The following SLC25A17 variants were observed in gnomAD, a reference collection of about 807,000 sequenced individuals.
SLC25A17 encodes the protein peroxisomal membrane protein PMP34.
SLC25A17 carries 26 observed loss-of-function variants against 38.5 expected under a neutral mutation model. The ratio of observed to expected loss-of-function variants is 0.68; its 90% CI spans 0.50 to 0.94. The LOEUF is 0.94. Ranked by LOEUF, SLC25A17 falls within the 40% of genes least tolerant of loss-of-function variation. The pLI is 0.00. For missense variants in SLC25A17, 333 were observed against 372.7 expected, an observed-to-expected ratio of 0.89 and a Z score of 0.88; for synonymous variants, 139 against 136.2, an observed-to-expected ratio of 1.02 and a Z score of -0.14.
In SLC25A17 at chr22:40,819,284, C is replaced by T. The variant is rs1303005639; in HGVS notation, c.-36G>A. On this transcript the variant is annotated 5_prime_UTR_variant, in exon 1 of 9. Coordinates refer to ENST00000435456, the MANE Select transcript of SLC25A17 (RefSeq NM_006358.4). ...CCTCGAAGACCCAGCCACACTTTTC[C>T]CACAGATGCCGCAGCCAGTGGAGTT... 3.7e-6 allele frequency: 6 copies of T among 1,611,824 alleles called. No individual in the cohort carries two copies. The African/African-American group carries it at 6.7e-5, about 18-fold the overall frequency.
chr22:40,776,689 G>A (rs1602588295), intron 7 of SLC25A17, among the ~76,000 whole-genome samples: 1 of 152,176 alleles, frequency 6.6e-6, no homozygotes, highest in East Asian at 1.9e-4. Flanking sequence ...TTGAGTCCAG[G>A]ACTTTGAGAC....
In SLC25A17 at chr22:40,804,703, G is replaced by A. The variant is rs1215796457; in HGVS notation, c.55-5620C>T. On this transcript the variant is annotated intron_variant, in intron 1 of 8. Transcript: ENST00000435456. ...TCTCTTCACTCAGGCCAGCCATTAC[G>A]CCCAGCCTGAAGTGTTTTATTGAGT... Among the ~76,000 whole-genome samples the A allele has an allele frequency of 3.3e-5, 5 of 152,214 alleles. No homozygotes were observed. The South Asian group carries it at 8.3e-4, about 25-fold the overall frequency.
At chr22:40,788,161 A>G (rs2057354559) in intron 4 of SLC25A17, among the ~76,000 whole-genome samples, 1 of 152,202 alleles carries the variant, frequency 6.6e-6, no homozygotes, top group Admixed American at 6.5e-5. Flanking sequence ...ATCACAAACT[A>G]GTGACTTGCC....
At chr22:40,790,768 A>G (rs1311570355) in intron 4 of SLC25A17, among the ~76,000 whole-genome samples, 2 of 152,262 alleles carry the variant, frequency 1.3e-5, no homozygotes, top group African/African-American at 2.4e-5. Context: ...ATGGAAAGTT[A>G]TATGAGTTAG....
intron 1 of SLC25A17, among the ~76,000 whole-genome samples, chr22:40,801,808 A>C (rs1356965450): frequency 6.6e-6 from 1 of 151,912 alleles, no homozygotes; most frequent in Non-Finnish European, 1.5e-5. Context: ...TTCTTTTTTT[A>C]AGACGGAGTC....
In SLC25A17 at chr22:40,774,013, G is replaced by T; in HGVS notation, c.700C>A (p.Arg234Ser). ...CTGTTTTCTGGGTTTAGTCTATGAC[G>T]CCCAAACTGAGGAAAGAGGGAAAAA... ...QTVQSILRFG[R>S]HRLNPENRTL... is the part of the protein sequence containing the mutation. Residue 234 changes from arginine (R) to serine (S), a missense_variant, in exon 8 of 9, where the codon CGT (arginine) becomes AGT (serine). Arg to Ser is a moderately radical substitution (Grantham distance 110). Coordinates refer to ENST00000435456, the MANE Select transcript of SLC25A17 (RefSeq NM_006358.4). 2.5e-6 allele frequency: 4 copies of T among 1,607,696 alleles called. No homozygotes were observed. Among genetic ancestry groups the T allele is most frequent in the Non-Finnish European group, 3.4e-6 (4 of 1,174,602 alleles).
chr22:40,785,407 G>C (rs141358308), intron 4 of SLC25A17, among the ~76,000 whole-genome samples: 1 of 152,268 alleles, frequency 6.6e-6, no homozygotes, highest in African/African-American at 2.4e-5. Context: ...AAAAAGCTCT[G>C]TTAAACATAA....
chr22:40,772,986 T>C (rs776608283), intron 8 of SLC25A17, among the ~76,000 whole-genome samples: 86 of 152,276 alleles, frequency 5.6e-4, no homozygotes, highest in Admixed American at 1.5e-3. Flanking sequence ...ATCTTGTATC[T>C]AGGAACAGTA....
chr22:40,785,582 G>A (rs138294), intron 4 of SLC25A17, among the ~76,000 whole-genome samples: 99,436 of 151,978 alleles, frequency 0.65, 32,999 homozygotes, highest in Admixed American at 0.74. Flanking sequence ...AGCAGTGTAA[G>A]TAAAGAGAAT....
At chr22:40,779,155 G>C (rs773871574) in intron 4 of SLC25A17, 30 bp from the exon 5 acceptor site, 5 of 1,613,954 alleles carry the variant, frequency 3.1e-6, no homozygotes, top group Non-Finnish European at 4.2e-6. Context: ...GAGAAAAAGG[G>C]AAGGCAAAAT....
chr22:40,809,650 A>G (rs2057561305), intron 1 of SLC25A17, among the ~76,000 whole-genome samples: 1 of 151,936 alleles, frequency 6.6e-6, no homozygotes, highest in Non-Finnish European at 1.5e-5. Flanking sequence ...ACCAAAAAAC[A>G]AAACCAAATA....
chr22:40,807,525 G>A (rs1415102057), intron 1 of SLC25A17, among the ~76,000 whole-genome samples: 1 of 152,088 alleles, frequency 6.6e-6, no homozygotes, highest in Non-Finnish European at 1.5e-5. Context: ...CAAGGTGGAC[G>A]GATCATGAGG....
At chr22:40,787,697 C>G (rs997941643) in intron 4 of SLC25A17, among the ~76,000 whole-genome samples, 5 of 148,140 alleles carry the variant, frequency 3.4e-5, no homozygotes, top group African/African-American at 4.9e-5. Flanking sequence ...TTCTTTTCTT[C>G]TTTTTTTTTT....
intron 8 of SLC25A17, among the ~76,000 whole-genome samples, chr22:40,771,950 A>G (rs1401197560): frequency 6.6e-6 from 1 of 152,136 alleles, no homozygotes; most frequent in South Asian, 2.1e-4. Context: ...TGCCTGTATC[A>G]AAACATCTCA....
At chr22:40,802,343 G>C (rs972871848) in intron 1 of SLC25A17, among the ~76,000 whole-genome samples, 1 of 151,934 alleles carries the variant, frequency 6.6e-6, no homozygotes, top group African/African-American at 2.4e-5. Flanking sequence ...TCAAGAACTG[G>C]CATATGAAAA....
At chr22:40,795,902 C>T (rs2057425182) in intron 2 of SLC25A17, among the ~76,000 whole-genome samples, 1 of 152,152 alleles carries the variant, frequency 6.6e-6, no homozygotes, top group Admixed American at 6.5e-5. Flanking sequence ...ATTCTCCTGC[C>T]TTAGCCTCCT....
rs904818254 is a variant in SLC25A17 at position 40,800,562 on chromosome 22, AT to A, written c.55-1480del. ...TACAGATGTGTGTCACCACACCCAG[AT>A]AATTTTATTTTTTGTAAAGACAGAG... On this transcript the variant is annotated intron_variant, in intron 1 of 8. Coordinates refer to ENST00000435456, the MANE Select transcript of SLC25A17 (RefSeq NM_006358.4). 1.1e-4 allele frequency among the ~76,000 whole-genome samples: 16 copies of A among 152,216 alleles called. No homozygotes were observed. In the Middle Eastern group the frequency reaches 0.014, roughly 129 times the overall value.
Position 40,789,719 on chromosome 22 carries a change from G to T in SLC25A17, c.334+2806C>A, listed in dbSNP as rs1339652439. 4.0e-5 allele frequency among the ~76,000 whole-genome samples: 6 copies of T among 151,708 alleles called. No homozygotes were observed. The highest frequency in any genetic ancestry group is 8.8e-5 in the Non-Finnish European group (6 of 67,960). On this transcript the variant is annotated intron_variant, in intron 4 of 8. Coordinates refer to ENST00000435456, the MANE Select transcript of SLC25A17 (RefSeq NM_006358.4). The surrounding 1 kb of genome is among the most constrained non-coding windows in gnomAD (Gnocchi z 4.5). ...GGTGGGGTTTCACCATGTAGGCTAG[G>T]CTGTTCTCGAACTCCTGACCTCAGG...
At chr22:40,787,833 T>G (rs960500061) in intron 4 of SLC25A17, among the ~76,000 whole-genome samples, 1 of 152,220 alleles carries the variant, frequency 6.6e-6, no homozygotes, top group African/African-American at 2.4e-5. Context: ...GGTATAATGA[T>G]GTGAGTTCAA....
Sources: allele counts gnomAD v4.1 joint callset (sites outside exome capture counted in the v4.1 genomes callset), GRCh38; gene constraint gnomAD v4.1.1; non-coding constraint Gnocchi (gnomAD v3.1); transcripts MANE v1.5; gene names NCBI Gene and HGNC (gene_info 2026-07-23, HGNC 2026-07-21).